Variants in RNF214 observed in about 807,000 individuals in gnomAD.
RNF214 encodes ring finger protein 214.
Under a neutral mutation model 75.9 loss-of-function variants are expected in RNF214, and 25 were observed. The ratio of observed to expected loss-of-function variants is 0.33; its 90% confidence interval spans 0.24 to 0.46. The LOEUF is 0.46. RNF214 is among the 20% of genes least tolerant of loss of function. The pLI is 1.00. For synonymous variants in RNF214, 314 were observed against 308.8 expected (o/e 1.02, Z -0.18); for missense variants, 725 against 857.5 (o/e 0.85, Z 1.93).
chr11:117,251,932 G>A (rs368045386), intron 6 of RNF214, among the ~76,000 whole-genome samples: 1 of 152,292 alleles, frequency 6.6e-6, no homozygotes, highest in Non-Finnish European at 1.5e-5. Context: ...GCAGTGGCAC[G>A]ATCTTGGCTC....
chr11:117,263,549 C>G (rs1296472674), intron 6 of RNF214, among the ~76,000 whole-genome samples: 1 of 152,198 alleles, frequency 6.6e-6, no homozygotes, highest in Non-Finnish European at 1.5e-5. Flanking sequence ...GCTGGGATTA[C>G]AGGCGTGAGC....
intron 2 of RNF214, among the ~76,000 whole-genome samples, chr11:117,237,662 AAAAT>A (rs907518806): frequency 4.6e-5 from 7 of 152,176 alleles, no homozygotes; most frequent in Non-Finnish European, 7.4e-5. Context: ...CCTGTCTCAA[AAAAT>A]AAATAAATAA....
At chr11:117,243,743 G>A (rs1482988953) in intron 4 of RNF214, among the ~76,000 whole-genome samples, 3 of 152,112 alleles carry the variant, frequency 2.0e-5, no homozygotes, top group East Asian at 3.9e-4. Context: ...TTTTGGTAGA[G>A]ACCAGGTATT....
intron 4 of RNF214, among the ~76,000 whole-genome samples, chr11:117,243,151 T>TTA (rs1565330372): frequency 2.0e-4 from 30 of 150,262 alleles, no homozygotes; most frequent in African/African-American, 5.9e-4. Flanking sequence ...TTAATTAATT[T>TTA]ATTTATTTAT....
At chr11:117,236,906 T>C (rs1393997421) in intron 2 of RNF214, among the ~76,000 whole-genome samples, 1 of 152,162 alleles carries the variant, frequency 6.6e-6, no homozygotes, top group East Asian at 1.9e-4. Context: ...ACAACAGTCT[T>C]GTTAGGTGGA....
chr11:117,282,209 C>T lies in RNF214; in HGVS notation c.1651C>T (p.Pro551Ser). ...KASAETPRPQ[P>S]VDKLEKILEK... ...TTCTGCTGAAACTCCCCGGCCCCAA[C>T]CAGTAGACAAACTGGAGAAGATCCT... The change falls in exon 11 of 15, where the codon CCA becomes TCA. Residue 551 changes from proline (P) to serine (S), a missense_variant. Physicochemically the swap from Pro to Ser is moderately conservative, Grantham distance 74. Coordinates refer to ENST00000300650, the MANE Select transcript of RNF214 (RefSeq NM_207343.4). 2 of 1,612,078 alleles carry T rather than the reference C, an allele frequency of 1.2e-6. No individual in the cohort carries two copies. Among genetic ancestry groups the T allele is most frequent in the Non-Finnish European group, 8.5e-7 (1 of 1,178,880 alleles).
chr11:117,285,070 C>T lies in RNF214; in HGVS notation c.2047-16C>T, dbSNP rs2034225187. 6.3e-7 allele frequency: 1 copy of T among 1,587,704 alleles called. No homozygotes were observed. Among genetic ancestry groups the T allele is most frequent in the East Asian group, 2.2e-5 (1 of 44,654 alleles). On this transcript the variant is annotated splice_polypyrimidine_tract_variant and intron_variant, in intron 14 of 14. Coordinates refer to ENST00000300650, the MANE Select transcript of RNF214 (RefSeq NM_207343.4). Reference sequence around the variant, plus strand: ...TTTTCCAGATAAACCTGAGGTGTGTCTTTCTTTCTTTCCAGTGTATCAAAT... The same window carrying T: ...TTTTCCAGATAAACCTGAGGTGTGTTTTTCTTTCTTTCCAGTGTATCAAAT...
chr11:117,247,922 C>T (rs530397562), intron 6 of RNF214, among the ~76,000 whole-genome samples: 2 of 150,588 alleles, frequency 1.3e-5, no homozygotes, highest in South Asian at 4.2e-4. Context: ...TGAATGATTA[C>T]ATTTGTGTTA....
chr11:117,259,899 T>G (rs1475718884), intron 6 of RNF214, among the ~76,000 whole-genome samples: 1 of 152,192 alleles, frequency 6.6e-6, no homozygotes, highest in African/African-American at 2.4e-5. Context: ...AATTGCATTT[T>G]TGGTGAAATA....
rs552810099 is a variant in RNF214 at position 117,261,079 on chromosome 11, G to A, written c.959+14131G>A. 8.5e-5 allele frequency among the ~76,000 whole-genome samples: 13 copies of A among 152,106 alleles called. No homozygotes were observed. In the South Asian group the frequency reaches 2.5e-3, roughly 29 times the overall value. ...TGGCTAGGACCTCCAGTACAATATT[G>A]AATAGAAGTGGTAAAGTAGATATCT... On this transcript the variant is annotated intron_variant, in intron 6 of 14. Coordinates refer to ENST00000300650, the MANE Select transcript of RNF214 (RefSeq NM_207343.4).
At chr11:117,255,719 A>G (rs1033134889) in intron 6 of RNF214, among the ~76,000 whole-genome samples, 3 of 151,938 alleles carry the variant, frequency 2.0e-5, no homozygotes, top group African/African-American at 7.3e-5. Context: ...AGCCTCTTGT[A>G]TATTCTTAGT....
chr11:117,234,697 G>A (rs558832024), intron 2 of RNF214, among the ~76,000 whole-genome samples: 30 of 152,306 alleles, frequency 2.0e-4, no homozygotes, highest in African/African-American at 7.0e-4. Flanking sequence ...TATGAGAAAT[G>A]TTATATCAGT....
chr11:117,284,882 A>T (rs2034214381), intron 14 of RNF214, among the ~76,000 whole-genome samples: 1 of 152,206 alleles, frequency 6.6e-6, no homozygotes, highest in South Asian at 2.1e-4. Context: ...GTGAGCTGAG[A>T]TCACACCACT....
chr11:117,283,767 T>C (rs1362085473), intron 14 of RNF214, among the ~76,000 whole-genome samples: 1 of 152,104 alleles, frequency 6.6e-6, no homozygotes, highest in African/African-American at 2.4e-5. Flanking sequence ...CTCAAGGTGC[T>C]TCAGTCTCTT....
chr11:117,247,496 TA>T (rs1565332919), intron 6 of RNF214, among the ~76,000 whole-genome samples: 1 of 151,678 alleles, frequency 6.6e-6, no homozygotes, highest in African/African-American at 2.4e-5. Flanking sequence ...CCTTGTCTCT[TA>T]AAAAAAAATT....
rs367899412 is a variant in RNF214, at chr11:117,278,937, A to G, written c.960-971A>G. Among the ~76,000 whole-genome samples the G allele has an allele frequency of 2.7e-4, 41 of 152,266 alleles. No homozygotes were observed. In the East Asian group the frequency reaches 7.5e-3, roughly 28 times the overall value. ...GAGACCCCTGTCTCTACAAAAAATA[A>G]TAAGTAAGCATCAGCCAGGCGTGCT... On this transcript the variant is annotated intron_variant, in intron 6 of 14. Transcript: ENST00000300650.
intron 6 of RNF214, among the ~76,000 whole-genome samples, chr11:117,277,300 G>A (rs562439496): frequency 2.9e-4 from 44 of 152,202 alleles, no homozygotes; most frequent in Middle Eastern, 3.4e-3. Flanking sequence ...CCGAGATCCC[G>A]CCTGTGTACC....
At chr11:117,243,694 T>C (rs2033139736) in intron 4 of RNF214, among the ~76,000 whole-genome samples, 1 of 152,136 alleles carries the variant, frequency 6.6e-6, no homozygotes, top group Non-Finnish European at 1.5e-5. Flanking sequence ...CTAAACTGTT[T>C]TCAGAAGCAC....
At chr11:117,243,542 A>G (rs2033135805) in intron 4 of RNF214, among the ~76,000 whole-genome samples, 1 of 152,238 alleles carries the variant, frequency 6.6e-6, no homozygotes. Flanking sequence ...TAATGAAAAA[A>G]TTCAGTTTAG....
Sources: allele counts gnomAD v4.1 joint callset (sites outside exome capture counted in the v4.1 genomes callset), GRCh38; gene constraint gnomAD v4.1.1; transcripts MANE v1.5; gene names NCBI Gene and HGNC (gene_info 2026-07-23, HGNC 2026-07-21).